PCDH15: variants seen among roughly 807,000 people sequenced by gnomAD.
The protein encoded by PCDH15 is protocadherin-15.
Under a neutral mutation model 178.5 loss-of-function variants are expected in PCDH15, and 129 were observed. The ratio of observed to expected loss-of-function variants is 0.72; its 90% CI spans 0.63 to 0.84. The LOEUF is 0.84. Among genes scored for constraint, PCDH15 ranks in the 40% least tolerant of loss-of-function variants. PCDH15 has a pLI of 0.00. For missense variants in PCDH15, 2,230 were observed against 2,099.9 expected (o/e 1.06, Z -1.21); for synonymous variants, 800 against 732.0 (o/e 1.09, Z -1.50).
chr10:54,081,697 A>T (rs2135967791), intron 16 of PCDH15, among the ~76,000 whole-genome samples: 1 of 152,252 alleles, frequency 6.6e-6, no homozygotes, highest in Middle Eastern at 3.4e-3. Context: ...GCCAGGATAC[A>T]TTGGGGTACA....
intron 26 of PCDH15, among the ~76,000 whole-genome samples, chr10:53,880,181 T>A (rs1240440274): frequency 2.6e-5 from 4 of 152,206 alleles, no homozygotes; most frequent in Non-Finnish European, 4.4e-5. Flanking sequence ...GTTATGCATA[T>A]TACATATAAT....
At chr10:55,024,408 C>CAT (rs1018329598) in intron 2 of PCDH15, among the ~76,000 whole-genome samples, 13 of 146,190 alleles carry the variant, frequency 8.9e-5, no homozygotes, top group East Asian at 4.0e-4. Context: ...AATCAGATTT[C>CAT]ATATATATAT....
At chr10:55,303,086 GAT>G (rs34113387) in intron 1 of PCDH15, among the ~76,000 whole-genome samples, 92,801 of 149,354 alleles carry the variant, frequency 0.62, 29,354 homozygotes, top group African/African-American at 0.76. Flanking sequence ...AGATATTTGA[GAT>G]ATATATATAT....
At chr10:55,537,681 C>A (rs990196235) in intron 2 of PCDH15, among the ~76,000 whole-genome samples, 9 of 152,136 alleles carry the variant, frequency 5.9e-5, no homozygotes, top group Admixed American at 5.9e-4. Flanking sequence ...TGATCCACCC[C>A]CGTCGGCCTG....
intron 1 of PCDH15, among the ~76,000 whole-genome samples, chr10:55,290,928 T>C (rs1219997847): frequency 6.6e-6 from 1 of 152,144 alleles, no homozygotes; most frequent in East Asian, 1.9e-4. Context: ...TTATGAAACG[T>C]CCAGAACTGA....
chr10:55,067,548 CA>C (rs995545467), intron 2 of PCDH15, among the ~76,000 whole-genome samples: 52 of 151,704 alleles, frequency 3.4e-4, no homozygotes, highest in African/African-American at 1.2e-3. Flanking sequence ...TATGTGAGTG[CA>C]GGTTTCTCTT....
rs1259614508 is a variant in PCDH15 at position 54,731,561 on chromosome 10, T to TAC, written c.-28-67272_-28-67271insGT. Among the ~76,000 whole-genome samples, 49 of 48,348 alleles carry TAC rather than the reference T, an allele frequency of 1.0e-3. 1 individual carries two copies. The highest frequency in any genetic ancestry group is 7.8e-3 in the East Asian group (10 of 1,286). The allele number at this position is 48,348 out of a possible 152,430, so 31.7% of individuals were successfully genotyped here. A position where few individuals can be genotyped will look rare whatever the true frequency, so the allele number is the denominator to read the frequency against. Reference sequence around the variant, plus strand: ...TGTGAGATAGATATATATATATATATATACACACACACACACACACACACA... The same window carrying TAC: ...TGTGAGATAGATATATATATATATATACATACACACACACACACACACACACA... On this transcript the variant is annotated intron_variant, in intron 1 of 37. Transcript: ENST00000644397.
At chr10:54,504,823 CT>C (rs1311319835) in intron 3 of PCDH15, among the ~76,000 whole-genome samples, 1 of 152,036 alleles carries the variant, frequency 6.6e-6, no homozygotes, top group African/African-American at 2.4e-5. Flanking sequence ...GCCATTTTCT[CT>C]CTGTACTCTC....
chr10:54,596,306 A>G (rs747615435), intron 2 of PCDH15, among the ~76,000 whole-genome samples: 5 of 152,188 alleles, frequency 3.3e-5, no homozygotes, highest in Non-Finnish European at 7.3e-5. Flanking sequence ...TGGGACCTAT[A>G]TTCAATAACC....
At position 54,759,643 on chromosome 10, in the gene PCDH15, G is replaced by A. The variant is rs60363113; in HGVS notation, c.-29+41282C>T. On this transcript the variant is annotated intron_variant, in intron 1 of 37. Coordinates refer to ENST00000644397, the MANE Select transcript of PCDH15 (RefSeq NM_001384140.1). The stretch of plus-strand genomic sequence containing the variant: ...CTTTCGGCAGCGTATTTTTAAAATT[G>A]TTATGAATAAGTAAATTGACAAAAT... 4.3e-3 allele frequency among the ~76,000 whole-genome samples: 650 copies of A among 152,278 alleles called. 5 individuals carry two copies. The highest frequency in any genetic ancestry group is 0.015 in the African/African-American group (622 of 41,570).
At chr10:54,254,574 C>T (rs1246552429) in intron 8 of PCDH15, among the ~76,000 whole-genome samples, 1 of 152,114 alleles carries the variant, frequency 6.6e-6, no homozygotes, top group Non-Finnish European at 1.5e-5. Flanking sequence ...AGAATAGAAG[C>T]TTCCCAGAAC....
At chr10:54,195,183 GAC>G (rs1228583323) in intron 11 of PCDH15, among the ~76,000 whole-genome samples, 1 of 152,130 alleles carries the variant, frequency 6.6e-6, no homozygotes, top group Admixed American at 6.5e-5. Flanking sequence ...AAAAACAAAA[GAC>G]AATGATTTGT....
At chr10:53,864,826 T>C in intron 27 of PCDH15, among the ~76,000 whole-genome samples, 1 of 151,996 alleles carries the variant, frequency 6.6e-6, no homozygotes, top group East Asian at 1.9e-4. Flanking sequence ...AATAAATAAA[T>C]GCCCACTTTC....
intron 3 of PCDH15, among the ~76,000 whole-genome samples, chr10:54,822,842 C>A (rs1953069253): frequency 6.6e-6 from 1 of 151,786 alleles, no homozygotes. Context: ...TGAAAAAAAT[C>A]TCATAAATAA....
intron 15 of PCDH15, among the ~76,000 whole-genome samples, chr10:54,126,549 T>C (rs983949543): frequency 2.0e-5 from 3 of 152,118 alleles, no homozygotes; most frequent in African/African-American, 7.2e-5. Flanking sequence ...TATTTTTAGC[T>C]AGCTAATGTG....
At chr10:54,859,530 A>ACTCC (rs1690385561) in intron 3 of PCDH15, among the ~76,000 whole-genome samples, 2 of 151,948 alleles carry the variant, frequency 1.3e-5, no homozygotes, top group East Asian at 3.9e-4. Context: ...TAATTGCCTA[A>ACTCC]CTCCAGAGTA....
intron 2 of PCDH15, among the ~76,000 whole-genome samples, chr10:55,112,452 G>T (rs914912255): frequency 1.3e-5 from 2 of 152,058 alleles, no homozygotes; most frequent in Non-Finnish European, 2.9e-5. Flanking sequence ...AAAGCAAAAG[G>T]AATTAAAAGT....
At chr10:54,997,920 G>A (rs1360098245) in intron 2 of PCDH15, among the ~76,000 whole-genome samples, 1 of 152,028 alleles carries the variant, frequency 6.6e-6, no homozygotes, top group Non-Finnish European at 1.5e-5. Flanking sequence ...TTAAGAAAGG[G>A]TTATGATATG....
At chr10:53,889,531 G>C (rs1388254883) in intron 26 of PCDH15, among the ~76,000 whole-genome samples, 2 of 147,874 alleles carry the variant, frequency 1.4e-5, no homozygotes, top group African/African-American at 5.3e-5. Flanking sequence ...GTTCATCACA[G>C]TGACTAAAAA....
Sources: allele counts gnomAD v4.1 joint callset (sites outside exome capture counted in the v4.1 genomes callset), GRCh38; gene constraint gnomAD v4.1.1; transcripts MANE v1.5; gene names NCBI Gene and HGNC (gene_info 2026-07-23, HGNC 2026-07-21).